Variants in FRMPD4 observed in about 807,000 individuals in gnomAD.
FRMPD4 encodes the protein FERM and PDZ domain containing 4, also known as FERM and PDZ domain-containing protein 4.
A neutral mutation model predicts 94.1 loss-of-function variants in FRMPD4; 22 were observed. The observed-to-expected ratio is 0.23, with a 90% CI of 0.17 to 0.33. The LOEUF is 0.33. Ranked by LOEUF, FRMPD4 falls within the 10% of genes least tolerant of loss-of-function variation. FRMPD4 has a pLI of 1.00. For synonymous variants in FRMPD4, 631 were observed against 548.6 expected (o/e 1.15, Z -2.10); for missense variants, 1,111 against 1,339.9 (o/e 0.83, Z 2.67).
intron 1 of FRMPD4, among the ~76,000 whole-genome samples, chrX:12,276,761 A>C (rs983950141): frequency 9.0e-6 from 1 of 111,651 alleles, no homozygotes; most frequent in Non-Finnish European, 1.9e-5. Flanking sequence ...GGGTCCATTC[A>C]GATGATTGTG....
chrX:12,233,372 C>A (rs2057033774), intron 1 of FRMPD4, among the ~76,000 whole-genome samples: 1 of 111,558 alleles, frequency 9.0e-6, no homozygotes, highest in Admixed American at 9.5e-5. Context: ...GAAAATTATT[C>A]ATTGTTTATC....
chrX:12,345,933 AAGAAATCTTCTTT>A (rs1358717296), intron 1 of FRMPD4, among the ~76,000 whole-genome samples: 1 of 111,974 alleles, frequency 8.9e-6, no homozygotes, highest in East Asian at 2.8e-4. Context: ...TGAAAAAGAA[AAGAAATCTTCTTT>A]ACAAACAGTA....
chrX:12,042,439 A>G (rs762704246), intron 3 of FRMPD4, among the ~76,000 whole-genome samples: 2 of 110,405 alleles, frequency 1.8e-5, no homozygotes, highest in African/African-American at 6.6e-5. Context: ...TCTTCGTTCA[A>G]TTTTTTTCCT....
chrX:12,650,326 G>A (rs1262577843), intron 4 of FRMPD4, among the ~76,000 whole-genome samples: 3 of 112,090 alleles, frequency 2.7e-5, no homozygotes, highest in East Asian at 5.6e-4. Context: ...GGCATCCTCT[G>A]TTCTGCTACC....
At chrX:12,332,895 G>A (rs1052651476) in intron 1 of FRMPD4, among the ~76,000 whole-genome samples, 5 of 111,668 alleles carry the variant, frequency 4.5e-5, no homozygotes, top group Admixed American at 2.9e-4. Context: ...AGCAACATAT[G>A]GACAGAGTAA....
intron 3 of FRMPD4, among the ~76,000 whole-genome samples, chrX:12,038,010 AATTT>A (rs768695223): frequency 8.9e-6 from 1 of 111,840 alleles, no homozygotes; most frequent in South Asian, 3.8e-4. Flanking sequence ...GATGTACTAC[AATTT>A]ATTTATTCAT....
chrX:12,660,287 C>G (rs2059701219), intron 4 of FRMPD4, among the ~76,000 whole-genome samples: 1 of 112,115 alleles, frequency 8.9e-6, no homozygotes, highest in Non-Finnish European at 1.9e-5. Context: ...CAATGCCATA[C>G]CAATTGTGCC....
intron 1 of FRMPD4, among the ~76,000 whole-genome samples, chrX:12,475,430 C>A (rs1431333963): frequency 3.4e-4 from 38 of 111,458 alleles, no homozygotes; most frequent in African/African-American, 1.2e-3. Context: ...TCTCACCACT[C>A]CTATTCAACA....
chrX:12,720,485 C>T, intron 16 of FRMPD4, 49 bp from the exon 17 acceptor site: 2 of 1,181,199 alleles, frequency 1.7e-6, no homozygotes, highest in Non-Finnish European at 2.3e-6. Flanking sequence ...AATGACCTCC[C>T]AGGAGATGCT....
At chrX:11,980,017 G>A (rs762380955) in intron 3 of FRMPD4, among the ~76,000 whole-genome samples, 2 of 111,571 alleles carry the variant, frequency 1.8e-5, no homozygotes, top group African/African-American at 6.5e-5. Context: ...GTGTGTGCAC[G>A]CACGCTCATG....
chrX:12,606,620 C>T (rs190806788), intron 2 of FRMPD4, among the ~76,000 whole-genome samples: 1 of 111,430 alleles, frequency 9.0e-6, no homozygotes, highest in African/African-American at 3.3e-5. Flanking sequence ...GGTTCTAAAA[C>T]ACGTGTGACC....
At chrX:12,416,970 C>T (rs1287524754) in intron 1 of FRMPD4, among the ~76,000 whole-genome samples, 1 of 111,550 alleles carries the variant, frequency 9.0e-6, no homozygotes, top group Non-Finnish European at 1.9e-5. Context: ...ACTATTCCTA[C>T]TTAATTGAAA....
intron 1 of FRMPD4, among the ~76,000 whole-genome samples, chrX:12,317,601 A>C (rs1421465674): frequency 9.5e-6 from 1 of 105,025 alleles, no homozygotes; most frequent in African/African-American, 3.8e-5. Flanking sequence ...AAAAAAAAAA[A>C]AACAAAAAAA....
chrX:12,351,447 G>A (rs985311363), intron 1 of FRMPD4, among the ~76,000 whole-genome samples: 3 of 111,114 alleles, frequency 2.7e-5, no homozygotes, highest in African/African-American at 9.8e-5. Flanking sequence ...TTCAACTGGG[G>A]GACAACCTAG....
At position 12,029,338 on chromosome X, in the gene FRMPD4, T is replaced by C. The variant is rs749506511; in HGVS notation, c.95+151320T>C. 2.7e-5 allele frequency among the ~76,000 whole-genome samples: 3 copies of C among 112,618 alleles called. No homozygotes were observed. In the South Asian group the frequency reaches 1.1e-3, roughly 41 times the overall value. ...AAAAATTGGGTTACTTATTTAATTA[T>C]TGAGTTTTTGGTATATTTCGGATAG... is the stretch of plus-strand genomic sequence containing the variant. On this transcript the variant is annotated intron_variant, in intron 3 of 18. Transcript: ENST00000640291.
At chrX:12,222,838 C>G (rs1032636073) in intron 1 of FRMPD4, among the ~76,000 whole-genome samples, 1 of 111,913 alleles carries the variant, frequency 8.9e-6, no homozygotes, top group African/African-American at 3.2e-5. Context: ...CTTTTTATTG[C>G]TTAGTAGTAT....
chrX:11,990,346 T>G (rs952327354), intron 3 of FRMPD4, among the ~76,000 whole-genome samples: 1 of 112,029 alleles, frequency 8.9e-6, no homozygotes, highest in Non-Finnish European at 1.9e-5. Context: ...ACATCCCCCA[T>G]TGGGGGGATG....
At chrX:12,714,603 T>C (rs767891219) in intron 14 of FRMPD4, among the ~76,000 whole-genome samples, 10 of 111,806 alleles carry the variant, frequency 8.9e-5, no homozygotes, top group African/African-American at 3.3e-4. Context: ...ACAGCTAAGT[T>C]GAGTAGTTGC....
intron 2 of FRMPD4, among the ~76,000 whole-genome samples, chrX:12,573,175 C>A (rs1489687079): frequency 8.9e-6 from 1 of 111,747 alleles, no homozygotes; most frequent in Non-Finnish European, 1.9e-5. Flanking sequence ...TATCCTGAGC[C>A]CCAATAGTTC....
Sources: allele counts gnomAD v4.1 joint callset (sites outside exome capture counted in the v4.1 genomes callset), GRCh38; gene constraint gnomAD v4.1.1; transcripts MANE v1.5; gene names NCBI Gene and HGNC (gene_info 2026-07-23, HGNC 2026-07-21).